The following AXDND1 variants were observed in gnomAD, a reference collection of about 807,000 sequenced individuals.
AXDND1 encodes the protein axonemal dynein light chain domain-containing protein 1.
A neutral mutation model predicts 137.5 loss-of-function variants in AXDND1; 110 were observed. That is an observed-to-expected ratio of 0.80 (90% confidence interval 0.69 to 0.94). The LOEUF (loss-of-function observed/expected upper bound fraction) is 0.94, where lower values mean the gene tolerates loss of function less well. AXDND1 is among the 40% of genes least tolerant of loss of function. The pLI is 0.00. For missense variants in AXDND1, 1,191 were observed against 1,169.8 expected, an observed-to-expected ratio of 1.02 and a Z score of -0.26; for synonymous variants, 414 against 399.7, an observed-to-expected ratio of 1.04 and a Z score of -0.43.
intron 15 of AXDND1, among the ~76,000 whole-genome samples, chr1:179,438,787 C>T (rs1281559171): frequency 6.6e-6 from 1 of 151,554 alleles, no homozygotes; most frequent in Non-Finnish European, 1.5e-5. Context: ...TTACCTGGAG[C>T]TGGTCCTTCC....
chr1:179,520,504 C>G (rs1000749885), intron 21 of AXDND1, among the ~76,000 whole-genome samples: 1 of 151,988 alleles, frequency 6.6e-6, no homozygotes, highest in Non-Finnish European at 1.5e-5. Flanking sequence ...TCTCAAACTC[C>G]TGGGCTTAAG....
chr1:179,402,682 C>G (rs1652288402), intron 11 of AXDND1, among the ~76,000 whole-genome samples: 2 of 152,160 alleles, frequency 1.3e-5, no homozygotes, highest in Admixed American at 1.3e-4. Context: ...ACAAAAAACA[C>G]AAACAAAAAT....
intron 17 of AXDND1, among the ~76,000 whole-genome samples, chr1:179,475,378 C>A (rs909607621): frequency 6.6e-6 from 1 of 152,198 alleles, no homozygotes; most frequent in Non-Finnish European, 1.5e-5. Flanking sequence ...GGGAGCTGCA[C>A]CCTGCAAAGC....
At chr1:179,493,987 T>C (rs577291767) in intron 20 of AXDND1, among the ~76,000 whole-genome samples, 11 of 152,206 alleles carry the variant, frequency 7.2e-5, no homozygotes, top group African/African-American at 2.6e-4. Flanking sequence ...AGTCTCGCTC[T>C]GTTGCCCAGG....
intron 25 of AXDND1, among the ~76,000 whole-genome samples, chr1:179,540,736 C>T (rs1032610497): frequency 6.6e-6 from 1 of 152,230 alleles, no homozygotes; most frequent in Non-Finnish European, 1.5e-5. Flanking sequence ...GGGAGAACCA[C>T]TGCTCTCTTC....
At chr1:179,527,018 C>G (rs1670592636) in intron 22 of AXDND1, among the ~76,000 whole-genome samples, 2 of 152,108 alleles carry the variant, frequency 1.3e-5, no homozygotes, top group Non-Finnish European at 2.9e-5. Context: ...GGATCTTGCA[C>G]AAGAAAGAAT....
Position 179,515,132 on chromosome 1 carries a change from T to C in AXDND1, c.2496+5729T>C, listed in dbSNP as rs573929847. 2.4e-4 allele frequency among the ~76,000 whole-genome samples: 36 copies of C among 152,218 alleles called. No homozygotes were observed. The South Asian group carries it at 7.3e-3, about 31-fold the overall frequency. On this transcript the variant is annotated intron_variant, in intron 21 of 25. Coordinates refer to ENST00000367618, the MANE Select transcript of AXDND1 (RefSeq NM_144696.6). Reference sequence around the variant, plus strand: ...TTGACTTTGTACCTTGGTTTTTTGTTTTTTATTTTTGCTTTTTAAATTTTC... The same window carrying C: ...TTGACTTTGTACCTTGGTTTTTTGTCTTTTATTTTTGCTTTTTAAATTTTC...
At chr1:179,432,154 T>G (rs552592797) in intron 14 of AXDND1, 113 bp from the exon 15 acceptor site, 23 of 1,349,226 alleles carry the variant, frequency 1.7e-5, no homozygotes, top group Non-Finnish European at 2.3e-5. Context: ...GAAGGCATGC[T>G]TCAAAATTAT....
At chr1:179,540,488 C>G (rs111570127) in intron 25 of AXDND1, among the ~76,000 whole-genome samples, 4,621 of 152,264 alleles carry the variant, frequency 0.03, 219 homozygotes, top group African/African-American at 0.1. Context: ...GGGGTCCACT[C>G]CAGACCCTGT....
chr1:179,532,981 G>A (rs1286788964), intron 23 of AXDND1: 1 of 152,094 alleles, frequency 6.6e-6, no homozygotes, highest in Non-Finnish European at 1.5e-5. Flanking sequence ...AAAAGGTATA[G>A]TGGTATGATG....
rs2125780480 is a variant in AXDND1 at position 179,554,502 on chromosome 1, C to T, written c.3032-10C>T. 3 of 1,614,116 alleles carry T rather than the reference C, an allele frequency of 1.9e-6. No individual in the cohort carries two copies. Among genetic ancestry groups the T allele is most frequent in the Non-Finnish European group, 2.5e-6 (3 of 1,180,010 alleles). On this transcript the variant is annotated splice_polypyrimidine_tract_variant and intron_variant, in intron 25 of 25. Coordinates refer to ENST00000367618, the MANE Select transcript of AXDND1 (RefSeq NM_144696.6). ...TTTCTATTCTCTCCACTTTGATTCC[C>T]CAAATACAGGTCACTGAATCCAAGG...
At position 179,430,556 on chromosome 1, in the gene AXDND1, G is replaced by C; in HGVS notation, c.1437G>C (p.Glu479Asp). Reference protein sequence around the residue: ...EVEQMEESTSETLKIVKDGLI... With the variant: ...EVEQMEESTSDTLKIVKDGLI... The stretch of plus-strand genomic sequence containing the variant: ...AACAAATGGAAGAGTCTACAAGCGA[G>C]ACACTGAAAATTGTTAAGGATGGGC... The change falls in exon 14 of 26, where the codon GAG becomes GAC. Residue 479 changes from glutamate to aspartate, a missense_variant. By Grantham distance (45) the Glu-to-Asp change is conservative. Coordinates refer to ENST00000367618, the MANE Select transcript of AXDND1 (RefSeq NM_144696.6). 1.2e-6 allele frequency: 2 copies of C among 1,613,862 alleles called. No homozygotes were observed.
chr1:179,498,333 T>G (rs906888628), intron 20 of AXDND1, among the ~76,000 whole-genome samples: 7 of 151,826 alleles, frequency 4.6e-5, no homozygotes, highest in African/African-American at 1.5e-4. Context: ...AATAGAAAAC[T>G]TAGAAATATG....
At chr1:179,448,018 A>G (rs1228439706) in intron 16 of AXDND1, 11 of 1,393,578 alleles carry the variant, frequency 7.9e-6, no homozygotes, top group South Asian at 2.4e-5. Flanking sequence ...GGGGCTTTTC[A>G]CTGGAACTGT....
At chr1:179,483,285 A>G in intron 18 of AXDND1, 64 bp downstream of exon 18, 2 of 1,078,984 alleles carry the variant, frequency 1.9e-6, no homozygotes, top group Non-Finnish European at 2.7e-6. Context: ...CTTCAAGGAA[A>G]AATAATGCTC....
At chr1:179,388,299 C>T (rs1299111523) in intron 9 of AXDND1, among the ~76,000 whole-genome samples, 2 of 152,146 alleles carry the variant, frequency 1.3e-5, no homozygotes, top group Admixed American at 6.5e-5. Flanking sequence ...TATATCTATA[C>T]CATAATTCAC....
chr1:179,490,826 A>G (rs1158018924), intron 18 of AXDND1, among the ~76,000 whole-genome samples: 3 of 152,010 alleles, frequency 2.0e-5, no homozygotes, highest in East Asian at 3.9e-4. Flanking sequence ...GATGTCATCA[A>G]AATTAATATA....
chr1:179,412,553 A>C (rs570200156), intron 12 of AXDND1, among the ~76,000 whole-genome samples: 2 of 152,216 alleles, frequency 1.3e-5, no homozygotes, highest in Non-Finnish European at 2.9e-5. Context: ...GAGAAAGCTA[A>C]TATACTAGAT....
At chr1:179,408,118 CT>C (rs1252978958) in intron 11 of AXDND1, among the ~76,000 whole-genome samples, 2 of 151,864 alleles carry the variant, frequency 1.3e-5, no homozygotes, top group Non-Finnish European at 1.5e-5. Context: ...TGTTTCATTC[CT>C]TTTTATGATA....
Sources: allele counts gnomAD v4.1 joint callset (sites outside exome capture counted in the v4.1 genomes callset), GRCh38; gene constraint gnomAD v4.1.1; transcripts MANE v1.5; gene names NCBI Gene and HGNC (gene_info 2026-07-23, HGNC 2026-07-21).